TAF2: variants seen among roughly 807,000 people sequenced by gnomAD.
TAF2 encodes the protein transcription initiation factor TFIID subunit 2.
In TAF2, 61 loss-of-function variants were observed where a neutral mutation model predicts 138.5. The ratio of observed to expected loss-of-function variants is 0.44; its 90% CI spans 0.36 to 0.54. TAF2 has a LOEUF of 0.54. TAF2 is among the 20% of genes least tolerant of loss of function. The probability of loss-of-function intolerance (pLI) is 0.00; values close to 1 mark genes in which losing one functional copy is unlikely to be tolerated. For synonymous variants in TAF2, 475 were observed against 469.9 expected (o/e 1.01, Z -0.14); for missense variants, 1,090 against 1,427.9 (o/e 0.76, Z 3.81).
chr8:119,788,970 A>G (rs1229670042), intron 12 of TAF2, 66 bp from the exon 13 acceptor site: 2 of 1,060,628 alleles, frequency 1.9e-6, no homozygotes, highest in Non-Finnish European at 2.9e-6. Flanking sequence ...TAAGTTATCC[A>G]TCATGGTATT....
intron 3 of TAF2, among the ~76,000 whole-genome samples, chr8:119,815,810 A>G (rs1398855829): frequency 6.6e-6 from 1 of 152,206 alleles, no homozygotes; most frequent in Non-Finnish European, 1.5e-5. Flanking sequence ...CACAAAATAT[A>G]TGTCGAAAAA....
chr8:119,755,255 C>A (rs1336672058), intron 22 of TAF2, among the ~76,000 whole-genome samples: 1 of 152,152 alleles, frequency 6.6e-6, no homozygotes, highest in Non-Finnish European at 1.5e-5. Flanking sequence ...ACCTGTAATC[C>A]CACCACTTTG....
intron 6 of TAF2, among the ~76,000 whole-genome samples, chr8:119,799,094 G>GA (rs1164399683): frequency 2.6e-5 from 4 of 151,632 alleles, no homozygotes; most frequent in African/African-American, 7.3e-5. Flanking sequence ...GCTCAGAGTA[G>GA]AAAAAAAATT....
chr8:119,811,134 T>C (rs116929809), intron 3 of TAF2, among the ~76,000 whole-genome samples: 2,028 of 152,200 alleles, frequency 0.013, 23 homozygotes, highest in Admixed American at 0.024. Context: ...CTCCCAATCC[T>C]CCTTACAGAA....
chr8:119,752,572 C>T (rs920795625), intron 22 of TAF2, among the ~76,000 whole-genome samples: 10 of 152,172 alleles, frequency 6.6e-5, no homozygotes, highest in African/African-American at 9.6e-5. Context: ...ATTAACTGAA[C>T]GGCACATGAA....
intron 2 of TAF2, among the ~76,000 whole-genome samples, chr8:119,824,014 G>A (rs567137372): frequency 6.6e-5 from 10 of 152,322 alleles, no homozygotes; most frequent in South Asian, 2.1e-4. Flanking sequence ...AGGGTATCTG[G>A]TAGAAGAAAT....
chr8:119,803,264 G>C (rs536334916), intron 5 of TAF2, among the ~76,000 whole-genome samples: 1 of 152,236 alleles, frequency 6.6e-6, no homozygotes, highest in African/African-American at 2.4e-5. Flanking sequence ...AAAATTCATC[G>C]AGCTTTACAT....
In TAF2 at chr8:119,831,744, A is replaced by G. The variant is rs957638581; in HGVS notation, c.84-13T>C. ...GACCTGATGGGTTGTATATTAATAAATATAAAAAGAAAATAAGGAAAAAAT... is the reference window on the plus strand; with the variant it reads ...GACCTGATGGGTTGTATATTAATAAGTATAAAAAGAAAATAAGGAAAAAAT... On this transcript the variant is annotated splice_polypyrimidine_tract_variant and intron_variant, in intron 1 of 25. Coordinates refer to ENST00000378164, the MANE Select transcript of TAF2 (RefSeq NM_003184.4). The G allele has an allele frequency of 6.6e-7, 1 of 1,520,548 alleles. No individual in the cohort carries two copies. Among genetic ancestry groups the G allele is most frequent in the East Asian group, 2.4e-5 (1 of 42,316 alleles). The allele number at this position is 1,520,548 out of a possible 1,614,324, so 94.2% of individuals were successfully genotyped here. A position where few individuals can be genotyped will look rare whatever the true frequency, so the allele number is the denominator to read the frequency against.
chr8:119,737,645 A>T lies in TAF2; in HGVS notation c.3337+4889T>A, dbSNP rs1243902323. On this transcript the variant is annotated intron_variant, in intron 25 of 25. Transcript: ENST00000378164. ...TGCCTCAGCCTCCCGAGTAGCTAGG[A>T]TTACAGGTGCGTACCACCATGCCCA... is the stretch of plus-strand genomic sequence containing the variant. Among the ~76,000 whole-genome samples the T allele has an allele frequency of 2.5e-4, 38 of 151,512 alleles. 2 individuals are homozygous for T. The highest frequency in any genetic ancestry group is 1.5e-5 in the Non-Finnish European group (1 of 67,936).
At position 119,797,107 on chromosome 8, in the gene TAF2, G is replaced by C; in HGVS notation, c.978-4C>G. On this transcript the variant is annotated splice_polypyrimidine_tract_variant and splice_region_variant and intron_variant, in intron 7 of 25. Coordinates refer to ENST00000378164, the MANE Select transcript of TAF2 (RefSeq NM_003184.4). ...GGCACTGTGTAAAAGATTTGTGCTGGAATTTAAAAGAGAAGAAAGCTCATT... is the reference window on the plus strand; with the variant it reads ...GGCACTGTGTAAAAGATTTGTGCTGCAATTTAAAAGAGAAGAAAGCTCATT... 1.3e-6 allele frequency: 2 copies of C among 1,584,186 alleles called. No homozygotes were observed. The highest frequency in any genetic ancestry group is 1.7e-6 in the Non-Finnish European group (2 of 1,153,388).
At chr8:119,750,425 G>C (rs1172052673) in intron 22 of TAF2, among the ~76,000 whole-genome samples, 1 of 152,154 alleles carries the variant, frequency 6.6e-6, no homozygotes, top group East Asian at 1.9e-4. Context: ...CTGTTTTCAG[G>C]ACACTTCTGA....
intron 19 of TAF2, 140 bp from the exon 20 acceptor site, chr8:119,760,878 G>T (rs1364287848): frequency 2.8e-6 from 3 of 1,088,412 alleles, no homozygotes; most frequent in Non-Finnish European, 4.1e-6. Context: ...TTGTAATAGA[G>T]TCACAAGCCA....
chr8:119,798,021 T>C lies in TAF2; in HGVS notation c.793-175A>G, dbSNP rs1340019071. The stretch of plus-strand genomic sequence containing the variant: ...TGATCACTTTTACTGATCACATTTA[T>C]AAAATATTAACTACTTAAAAATTAA... On this transcript the variant is annotated intron_variant, in intron 6 of 25. Coordinates refer to ENST00000378164, the MANE Select transcript of TAF2 (RefSeq NM_003184.4). Among the ~76,000 whole-genome samples, 8 of 152,312 alleles carry C rather than the reference T, an allele frequency of 5.3e-5. 2 individuals carry two copies. Among genetic ancestry groups the C allele is most frequent in the Admixed American group, 4.6e-4 (7 of 15,290 alleles).
chr8:119,744,227 TAGA>T, intron 24 of TAF2, 58 bp downstream of exon 24: 1 of 1,384,790 alleles, frequency 7.2e-7, no homozygotes, highest in Non-Finnish European at 1.0e-6. Flanking sequence ...TAACACACAT[TAGA>T]ATACTGACAT....
intron 2 of TAF2, among the ~76,000 whole-genome samples, chr8:119,824,748 G>A (rs1046382802): frequency 1.3e-5 from 2 of 152,220 alleles, no homozygotes; most frequent in Non-Finnish European, 2.9e-5. Flanking sequence ...AGTTTCAGAT[G>A]GTACAAGCCT....
intron 18 of TAF2, among the ~76,000 whole-genome samples, chr8:119,773,327 C>T (rs1337389615): frequency 2.6e-5 from 4 of 151,374 alleles, no homozygotes; most frequent in Non-Finnish European, 1.5e-5. Flanking sequence ...CTGATAAGTT[C>T]CAAGTTAAAA....
intron 3 of TAF2, among the ~76,000 whole-genome samples, chr8:119,815,047 A>T (rs1825361209): frequency 1.3e-5 from 2 of 151,488 alleles, no homozygotes; most frequent in Admixed American, 6.6e-5. Flanking sequence ...ACAAGGCATG[A>T]TCTCGAACTC....
chr8:119,776,089 A>C (rs191669840), intron 18 of TAF2, among the ~76,000 whole-genome samples: 56 of 152,338 alleles, frequency 3.7e-4, no homozygotes, highest in African/African-American at 1.3e-3. Flanking sequence ...TATCATAACA[A>C]AGGCAACTAA....
chr8:119,770,978 G>A (rs1225848038), intron 18 of TAF2, among the ~76,000 whole-genome samples: 9 of 152,088 alleles, frequency 5.9e-5, no homozygotes, highest in Non-Finnish European at 1.3e-4. Flanking sequence ...GGCTGAGGCA[G>A]AAGAACTGCT....
Sources: allele counts gnomAD v4.1 joint callset (sites outside exome capture counted in the v4.1 genomes callset), GRCh38; gene constraint gnomAD v4.1.1; transcripts MANE v1.5; gene names NCBI Gene and HGNC (gene_info 2026-07-23, HGNC 2026-07-21).